The following CRB1 variants were observed in gnomAD, a reference collection of about 807,000 sequenced individuals.
CRB1 encodes the protein protein crumbs homolog 1.
A neutral mutation model predicts 120.0 loss-of-function variants in CRB1; 83 were observed. That is an observed-to-expected ratio of 0.69 (90% confidence interval 0.58 to 0.83). The LOEUF is 0.83. Ranked by LOEUF, CRB1 falls within the 40% of genes least tolerant of loss-of-function variation. The pLI is 0.00. For synonymous variants in CRB1, 625 were observed against 612.5 expected (o/e 1.02, Z -0.30); for missense variants, 1,699 against 1,687.6 (o/e 1.01, Z -0.12).
intron 5 of CRB1, among the ~76,000 whole-genome samples, chr1:197,367,922 G>A (rs185933275): frequency 1.3e-4 from 20 of 152,270 alleles, no homozygotes; most frequent in African/African-American, 4.8e-4. Context: ...GAGCCACCTG[G>A]CAAAGTGACT....
the CRB1 span, among the ~76,000 whole-genome samples, chr1:197,218,762 A>G: frequency 6.3e-3 from 962 of 152,296 alleles, 14 homozygotes; most frequent in African/African-American, 0.022. Flanking sequence ...TTGAAGGGAT[A>G]ATGGACTGGA....
At chr1:197,283,823 T>G (rs1259681755) in intron 1 of CRB1, among the ~76,000 whole-genome samples, 1 of 151,294 alleles carries the variant, frequency 6.6e-6, no homozygotes, top group Non-Finnish European at 1.5e-5. Context: ...TAAAATAAAT[T>G]TTATTTTAAA....
At chr1:197,279,730 T>C (rs1655417334) in intron 1 of CRB1, among the ~76,000 whole-genome samples, 2 of 151,762 alleles carry the variant, frequency 1.3e-5, no homozygotes, top group Non-Finnish European at 2.9e-5. Flanking sequence ...AAATAGCAAT[T>C]GTGTCCATGT....
chr1:197,271,850 A>G (rs1381349726), intron 1 of CRB1, among the ~76,000 whole-genome samples: 1 of 152,154 alleles, frequency 6.6e-6, no homozygotes, highest in African/African-American at 2.4e-5. Flanking sequence ...CAATATTTTC[A>G]ATGTAAATGC....
chr1:197,474,380 C>G (rs1294093127), intron 11 of CRB1, among the ~76,000 whole-genome samples: 1 of 152,200 alleles, frequency 6.6e-6, no homozygotes, highest in Non-Finnish European at 1.5e-5. Flanking sequence ...CATTACACAG[C>G]CAGGACTGGC....
chr1:197,230,009 T>C, the CRB1 span, among the ~76,000 whole-genome samples: 24 of 152,358 alleles, frequency 1.6e-4, no homozygotes, highest in Non-Finnish European at 2.6e-4. Context: ...CTATAGCATT[T>C]ATAATATGTT....
chr1:197,232,919 A>C, the CRB1 span, among the ~76,000 whole-genome samples: 1 of 152,126 alleles, frequency 6.6e-6, no homozygotes, highest in Non-Finnish European at 1.5e-5. Context: ...AGGGTCAAGT[A>C]ATAGGATCCT....
chr1:197,232,906 A>G, the CRB1 span, among the ~76,000 whole-genome samples: 1 of 152,124 alleles, frequency 6.6e-6, no homozygotes, highest in Non-Finnish European at 1.5e-5. Flanking sequence ...ATGAAGACAT[A>G]TGAGGGTCAA....
At chr1:197,371,839 G>A (rs1224190144) in intron 5 of CRB1, among the ~76,000 whole-genome samples, 1 of 152,068 alleles carries the variant, frequency 6.6e-6, no homozygotes, top group Non-Finnish European at 1.5e-5. Context: ...GTCCCAGAGG[G>A]AGACATTACT....
intron 5 of CRB1, among the ~76,000 whole-genome samples, chr1:197,376,140 C>T (rs1661634702): frequency 6.6e-6 from 1 of 152,110 alleles, no homozygotes; most frequent in Admixed American, 6.6e-5. Flanking sequence ...TTTCTAGACT[C>T]TAAATGCTGG....
At chr1:197,422,477 A>G (rs1208598310) in intron 6 of CRB1, among the ~76,000 whole-genome samples, 1 of 151,934 alleles carries the variant, frequency 6.6e-6, no homozygotes, top group Admixed American at 6.6e-5. Flanking sequence ...TAAAACGCCA[A>G]TTTTATTCAA....
intron 5 of CRB1, among the ~76,000 whole-genome samples, chr1:197,392,240 C>A (rs1299449055): frequency 1.3e-5 from 2 of 151,704 alleles, no homozygotes; most frequent in Non-Finnish European, 2.9e-5. Context: ...GGCAAAAAAA[C>A]AAAGATATAC....
At chr1:197,434,675 G>A (rs896437585) in intron 8 of CRB1, 31 bp from the exon 9 acceptor site, 1 of 1,578,030 alleles carries the variant, frequency 6.3e-7, no homozygotes, top group Non-Finnish European at 8.7e-7. Flanking sequence ...ATTTAATAAA[G>A]TTATTGATTA....
chr1:197,274,716 A>G (rs1655107630), intron 1 of CRB1, among the ~76,000 whole-genome samples: 1 of 152,136 alleles, frequency 6.6e-6, no homozygotes. Flanking sequence ...TCTTTCACAC[A>G]GCAATATTTA....
intron 11 of CRB1, among the ~76,000 whole-genome samples, chr1:197,471,447 G>T (rs948503980): frequency 2.6e-5 from 4 of 152,132 alleles, no homozygotes; most frequent in African/African-American, 9.7e-5. Context: ...GAAGAGATGG[G>T]GCAGTGCCAA....
At chr1:197,222,138 C>T in the CRB1 span, 42 of 362,510 alleles carry the variant, frequency 1.2e-4, no homozygotes, top group African/African-American at 8.4e-4. Context: ...GTCCTAATGC[C>T]GTCACCCAGT....
chr1:197,332,652 A>G (rs1035967607), intron 2 of CRB1, among the ~76,000 whole-genome samples: 1 of 152,144 alleles, frequency 6.6e-6, no homozygotes, highest in Non-Finnish European at 1.5e-5. Flanking sequence ...CTGACTACTC[A>G]TTAGCAATTA....
the CRB1 span, among the ~76,000 whole-genome samples, chr1:197,219,163 G>A: frequency 6.6e-6 from 1 of 152,142 alleles, no homozygotes; most frequent in Non-Finnish European, 1.5e-5. Context: ...AAAAGAAATT[G>A]TCATTGATGA....
intron 2 of CRB1, among the ~76,000 whole-genome samples, chr1:197,334,647 T>A (rs1274378949): frequency 2.0e-5 from 3 of 152,192 alleles, no homozygotes; most frequent in African/African-American, 7.2e-5. Context: ...CATCCGGAGC[T>A]AAGAGAAATA....
Sources: gnomAD v4.1 joint callset for allele counts (sites outside exome capture counted in the v4.1 genomes callset) on GRCh38, gnomAD v4.1.1 for gene constraint, MANE v1.5 for transcripts, NCBI Gene and HGNC (gene_info 2026-07-23, HGNC 2026-07-21) for gene names.